Variants in CYTH3 observed in about 807,000 individuals in gnomAD.
The protein encoded by CYTH3 is cytohesin-3.
Under a neutral mutation model 55.1 loss-of-function variants are expected in CYTH3, and 23 were observed. The ratio of observed to expected loss-of-function variants is 0.42; its 90% CI spans 0.30 to 0.59. The LOEUF (loss-of-function observed/expected upper bound fraction) is 0.59. Ranked by LOEUF, CYTH3 falls within the 20% of genes least tolerant of loss-of-function variation. CYTH3 has a pLI of 0.20. For missense variants in CYTH3, 413 were observed against 524.8 expected (o/e 0.79, Z 2.08); for synonymous variants, 249 against 194.9 (o/e 1.28, Z -2.31).
chr7:6,176,265 T>G (rs1488396347), intron 5 of CYTH3, among the ~76,000 whole-genome samples: 1 of 142,910 alleles, frequency 7.0e-6, no homozygotes, highest in Non-Finnish European at 1.5e-5. Context: ...TTTTTTTTTT[T>G]TTTTTTTTTT....
chr7:6,243,786 A>AATATG lies in CYTH3; in HGVS notation c.34+28687_34+28688insCATAT, dbSNP rs1779736071. Among the ~76,000 whole-genome samples the AATATG allele has an allele frequency of 2.0e-5, 3 of 152,222 alleles. No homozygotes were observed. In the South Asian group the frequency reaches 6.2e-4, roughly 32 times the overall value. On this transcript the variant is annotated intron_variant, in intron 1 of 12. Coordinates refer to ENST00000350796, the MANE Select transcript of CYTH3 (RefSeq NM_004227.4). The stretch of plus-strand genomic sequence containing the variant: ...TTTTAATATGACTATGTCTTAAAGT[A>AATATG]ACTAACACCAGGAGTGTGAGGATAA...
At position 6,170,874 on chromosome 7, in the gene CYTH3, G is replaced by A. The variant is rs1168514895; in HGVS notation, c.667C>T (p.Arg223Cys). The A allele has an allele frequency of 1.9e-6, 3 of 1,613,486 alleles. No homozygotes were observed. The highest frequency in any genetic ancestry group is 2.5e-6 in the Non-Finnish European group (3 of 1,179,782). ...PTAERFIAMNRGINEGGDLPE... is the reference protein window; with the variant it reads ...PTAERFIAMNCGINEGGDLPE... ...AGGTCCCCGCCCTCGTTGATGCCGC[G>A]GTTCATGGCGATGAACCGTTCTGCC... Residue 223 changes from arginine to cysteine, a missense_variant, in exon 8 of 13, where the codon CGC becomes TGC. Transcript: ENST00000350796. This position sits in a 1 kb window ranked among gnomAD's most constrained non-coding sequence, Gnocchi z 7.8.
chr7:6,246,744 T>C (rs1779830445), intron 1 of CYTH3, among the ~76,000 whole-genome samples: 1 of 151,628 alleles, frequency 6.6e-6, no homozygotes, highest in African/African-American at 2.4e-5. Flanking sequence ...GCATTGTTAC[T>C]GAATAACTGG....
intron 2 of CYTH3, among the ~76,000 whole-genome samples, chr7:6,190,050 A>C (rs959850373): frequency 3.9e-5 from 6 of 152,086 alleles, no homozygotes; most frequent in African/African-American, 1.4e-4. Flanking sequence ...AAGCAAAAAG[A>C]AAAAAACAAA....
At position 6,163,881 on chromosome 7, in the gene CYTH3, A is replaced by G. The variant is rs1007121472; in HGVS notation, c.*1063T>C. 17 of 152,236 alleles carry G rather than the reference A, an allele frequency of 1.1e-4. No individual in the cohort carries two copies. Among genetic ancestry groups the G allele is most frequent in the African/African-American group, 3.9e-4 (16 of 41,452 alleles). The allele number at this position is 152,236 out of a possible 1,614,324, so 9.4% of individuals were successfully genotyped here. ...CCACAGGTTTTAAATAGCGATGAAT[A>G]TGGTCAAAAGCCGGTCTAACCTGCT... On this transcript the variant is annotated 3_prime_UTR_variant, in exon 13 of 13. Transcript: ENST00000350796.
At chr7:6,259,248 A>G (rs1780215109) in intron 1 of CYTH3, among the ~76,000 whole-genome samples, 1 of 152,228 alleles carries the variant, frequency 6.6e-6, no homozygotes, top group Non-Finnish European at 1.5e-5. Flanking sequence ...ATCATCATCC[A>G]AATGCTTTGT....
chr7:6,202,642 T>A (rs1784082650), intron 1 of CYTH3, among the ~76,000 whole-genome samples: 1 of 152,104 alleles, frequency 6.6e-6, no homozygotes, highest in African/African-American at 2.4e-5. Flanking sequence ...TTTGTTTTTT[T>A]AGTAGAAAAG....
intron 9 of CYTH3, among the ~76,000 whole-genome samples, chr7:6,166,591 G>A (rs576021968): frequency 4.6e-5 from 7 of 152,306 alleles, no homozygotes; most frequent in Non-Finnish European, 5.9e-5. Flanking sequence ...GAGGCCTGGA[G>A]GCAAGACTGT....
intron 1 of CYTH3, among the ~76,000 whole-genome samples, chr7:6,259,358 C>CT (rs1780218432): frequency 1.3e-5 from 2 of 152,128 alleles, no homozygotes; most frequent in Admixed American, 1.3e-4. Context: ...AAAGCAGGAA[C>CT]TTTTATTCTC....
Position 6,232,848 on chromosome 7 carries a change from T to C in CYTH3, c.34+39626A>G, listed in dbSNP as rs114160287. Among the ~76,000 whole-genome samples, 1,273 of 152,248 alleles carry C rather than the reference T, an allele frequency of 8.4e-3. 20 individuals are homozygous for C. The highest frequency in any genetic ancestry group is 0.028 in the African/African-American group (1,181 of 41,540). On this transcript the variant is annotated intron_variant, in intron 1 of 12. Transcript: ENST00000350796. ...ATACACTTAAATTAGCCAGAGTCAT[T>C]TTTTGTGATTTGCAACTAGGAGCCC...
chr7:6,245,533 A>ACTTT (rs1311995180), intron 1 of CYTH3, among the ~76,000 whole-genome samples: 3 of 152,134 alleles, frequency 2.0e-5, no homozygotes, highest in Non-Finnish European at 4.4e-5. Flanking sequence ...CTTCTTCCCT[A>ACTTT]CTTTCACTCA....
At chr7:6,179,552 G>A (rs1036325095) in intron 4 of CYTH3, among the ~76,000 whole-genome samples, 5 of 151,146 alleles carry the variant, frequency 3.3e-5, no homozygotes, top group African/African-American at 9.8e-5. Flanking sequence ...ATCTGGTGAT[G>A]GTACCCACAG....
intron 1 of CYTH3, among the ~76,000 whole-genome samples, chr7:6,269,339 G>A (rs1780591751): frequency 6.6e-6 from 1 of 152,202 alleles, no homozygotes; most frequent in African/African-American, 2.4e-5. Flanking sequence ...CTGTCTGAAG[G>A]TGAAAGGTGG....
chr7:6,217,303 C>T (rs1257276365), intron 1 of CYTH3, among the ~76,000 whole-genome samples: 1 of 152,104 alleles, frequency 6.6e-6, no homozygotes, highest in Admixed American at 6.5e-5. Context: ...ACATGACCCA[C>T]CTAGATGCTG....
chr7:6,184,272 G>C (rs968902090), intron 4 of CYTH3, among the ~76,000 whole-genome samples: 1 of 151,720 alleles, frequency 6.6e-6, no homozygotes, highest in Admixed American at 6.6e-5. Context: ...GTGTTAGCCA[G>C]GATGGTCTCA....
chr7:6,174,756 C>T (rs1783300430), intron 5 of CYTH3, among the ~76,000 whole-genome samples: 1 of 151,578 alleles, frequency 6.6e-6, no homozygotes, highest in South Asian at 2.1e-4. Flanking sequence ...ACCGTGTTAG[C>T]CAGGATGGTC....
chr7:6,216,207 C>T (rs1003213582), intron 1 of CYTH3, among the ~76,000 whole-genome samples: 9 of 152,124 alleles, frequency 5.9e-5, no homozygotes, highest in African/African-American at 2.2e-4. Flanking sequence ...AAACTAACAC[C>T]ATCTGATGTA....
chr7:6,237,924 T>C (rs1483473925), intron 1 of CYTH3, among the ~76,000 whole-genome samples: 1 of 152,154 alleles, frequency 6.6e-6, no homozygotes, highest in African/African-American at 2.4e-5. Context: ...CGTGTGCAAG[T>C]ATCATCCTAT....
intron 1 of CYTH3, among the ~76,000 whole-genome samples, chr7:6,203,711 C>T (rs1784114004): frequency 6.6e-6 from 1 of 151,954 alleles, no homozygotes; most frequent in Non-Finnish European, 1.5e-5. Context: ...ACTTACTGTA[C>T]TCATATTCCA....
Sources: allele counts gnomAD v4.1 joint callset (sites outside exome capture counted in the v4.1 genomes callset), GRCh38; gene constraint gnomAD v4.1.1; non-coding constraint Gnocchi (gnomAD v3.1); transcripts MANE v1.5; gene names NCBI Gene and HGNC (gene_info 2026-07-23, HGNC 2026-07-21).